Variants in ZNF619 observed in about 807,000 individuals in gnomAD.
ZNF619 encodes the protein zinc finger protein 619.
ZNF619 carries 9 observed loss-of-function variants against 14.2 expected under a neutral mutation model. The ratio of observed to expected loss-of-function variants is 0.64; its 90% CI spans 0.38 to 1.11. The LOEUF (loss-of-function observed/expected upper bound fraction) is 1.11, where lower values mean the gene tolerates loss of function less well. ZNF619 is among the 50% of genes least tolerant of loss of function. The pLI is 0.01. For missense variants in ZNF619, 659 were observed against 680.1 expected (o/e 0.97, Z 0.34); for synonymous variants, 246 against 252.8 (o/e 0.97, Z 0.26).
At chr3:40,485,300 T>G (rs1697542663) in intron 4 of ZNF619, among the ~76,000 whole-genome samples, 1 of 125,506 alleles carries the variant, frequency 8.0e-6, no homozygotes, top group Non-Finnish European at 1.6e-5. Flanking sequence ...TGTGAATGCA[T>G]CATTTTTTTT....
chr3:40,488,474 T>C lies in ZNF619; in HGVS notation c.*233T>C, dbSNP rs1697714214. 1 of 498,756 alleles carries C rather than the reference T, an allele frequency of 2.0e-6. No individual in the cohort carries two copies. The highest frequency in any genetic ancestry group is 3.5e-6 in the Non-Finnish European group (1 of 285,386). The allele number at this position is 498,756 out of a possible 1,614,324, so 30.9% of individuals were successfully genotyped here. On this transcript the variant is annotated 3_prime_UTR_variant, in exon 5 of 5. Transcript: ENST00000432264. ...GTCCACATTTGGGCTGTATTATCAG[T>C]CTGCATCTCTCTTCTGGGGCTACTG... is the stretch of plus-strand genomic sequence containing the variant.
At chr3:40,478,093 C>T in intron 2 of ZNF619, 90 bp downstream of exon 2, 1 of 1,232,382 alleles carries the variant, frequency 8.1e-7, no homozygotes, top group Non-Finnish European at 1.2e-6. Flanking sequence ...CAGTCTCATG[C>T]TTAGTTTTAC....
intron 2 of ZNF619, 70 bp downstream of exon 2, chr3:40,478,073 C>T: frequency 1.4e-6 from 2 of 1,440,620 alleles, no homozygotes; most frequent in Non-Finnish European, 1.9e-6. Flanking sequence ...CCCCAGTAGC[C>T]TGACTTGGCC....
At chr3:40,481,716 G>A (rs1697398537) in intron 2 of ZNF619, 147 bp from the exon 3 acceptor site, 1 of 983,700 alleles carries the variant, frequency 1.0e-6, no homozygotes, top group Non-Finnish European at 1.5e-6. Context: ...CACATGGAAA[G>A]TTGGAATGCT....
rs1163108186 is a variant in ZNF619 at position 40,488,611 on chromosome 3, A to G, written c.*370A>G. On this transcript the variant is annotated 3_prime_UTR_variant, in exon 5 of 5. Transcript: ENST00000432264. ...AGGAGAAATGCAAAGCCTATGGGAG[A>G]ACATAATCAGATAAAGTGTCCAATG... 5.4e-6 allele frequency: 1 copy of G among 185,426 alleles called. No homozygotes were observed. Among genetic ancestry groups the G allele is most frequent in the Non-Finnish European group, 1.1e-5 (1 of 90,044 alleles). The allele number at this position is 185,426 out of a possible 1,614,324, so 11.5% of individuals were successfully genotyped here.
At chr3:40,479,539 C>G (rs1697316837) in intron 2 of ZNF619, among the ~76,000 whole-genome samples, 2 of 152,186 alleles carry the variant, frequency 1.3e-5, no homozygotes, top group Admixed American at 1.3e-4. Flanking sequence ...TGTAAGAGTC[C>G]TTTCAGATAA....
intron 4 of ZNF619, among the ~76,000 whole-genome samples, chr3:40,485,971 A>G (rs898630575): frequency 1.3e-5 from 2 of 152,324 alleles, no homozygotes; most frequent in South Asian, 4.1e-4. Context: ...CAGCAGTGTT[A>G]CAAACTGCTT....
At chr3:40,486,383 C>G (rs536171644) in intron 4 of ZNF619, among the ~76,000 whole-genome samples, 30 of 152,284 alleles carry the variant, frequency 2.0e-4, no homozygotes, top group African/African-American at 6.3e-4. Flanking sequence ...ATGGCTGTGT[C>G]TCTCTCAAAA....
chr3:40,485,086 C>T (rs1697536687), intron 4 of ZNF619, among the ~76,000 whole-genome samples: 1 of 152,162 alleles, frequency 6.6e-6, no homozygotes, highest in South Asian at 2.1e-4. Context: ...CACCACCAAA[C>T]CCAGCCCCAT....
intron 4 of ZNF619, chr3:40,483,651 A>C (rs1697482983): frequency 4.5e-6 from 2 of 449,356 alleles, no homozygotes; most frequent in Non-Finnish European, 8.9e-6. Flanking sequence ...TTTTTGAGAC[A>C]GAGTTTCACT....
Position 40,487,073 on chromosome 3 carries a change from GCA to G in ZNF619, c.568_569del (p.His190SerfsTer15). On this transcript the variant is annotated frameshift_variant, in exon 5 of 5. Coordinates refer to ENST00000432264, the MANE Select transcript of ZNF619 (RefSeq NM_001145093.4). LOFTEE classifies it low-confidence loss of function (END_TRUNC). The stretch of plus-strand genomic sequence containing the variant: ...AGGAAATTGGAAGAAAGTAGTGTCA[GCA>G]CACATCTCATTACAAAGCAGGGTTT... The G allele has an allele frequency of 6.2e-7, 1 of 1,614,126 alleles. No individual in the cohort carries two copies. Among genetic ancestry groups the G allele is most frequent in the Non-Finnish European group, 8.5e-7 (1 of 1,180,052 alleles).
chr3:40,487,460 A>C lies in ZNF619; in HGVS notation c.950A>C (p.Lys317Thr), dbSNP rs1454847898. 7 of 1,614,162 alleles carry C rather than the reference A, an allele frequency of 4.3e-6. No homozygotes were observed. The highest frequency in any genetic ancestry group is 4.2e-6 in the Non-Finnish European group (5 of 1,180,016). Residue 317 changes from lysine to threonine, a missense_variant, in exon 5 of 5, where the codon AAA becomes ACA. By Grantham distance (78) the Lys-to-Thr change is moderately conservative (BLOSUM62 -1). Transcript: ENST00000432264. ...QRIHTGEKPF[K>T]CKECGKAFSC... is the part of the protein sequence containing the mutation. Reference sequence around the variant, plus strand: ...ATCCATACTGGGGAGAAGCCCTTTAAATGTAAGGAATGTGGGAAAGCCTTC... The same window carrying C: ...ATCCATACTGGGGAGAAGCCCTTTACATGTAAGGAATGTGGGAAAGCCTTC...
In ZNF619 at chr3:40,482,026, C is replaced by G; in HGVS notation, c.178+10C>G. ...AATGTGACTTCCTTGTGTAAGTCCT[C>G]CTTCCTCTCTGAAACTCAGCTTCTG... On this transcript the variant is annotated intron_variant, in intron 3 of 4. Transcript: ENST00000432264. 1 of 1,584,422 alleles carries G rather than the reference C, an allele frequency of 6.3e-7. No homozygotes were observed. Among genetic ancestry groups the G allele is most frequent in the Non-Finnish European group, 8.6e-7 (1 of 1,168,734 alleles).
intron 4 of ZNF619, among the ~76,000 whole-genome samples, chr3:40,483,990 AT>A (rs1431275707): frequency 2.6e-5 from 4 of 151,408 alleles, no homozygotes; most frequent in Non-Finnish European, 5.9e-5. Context: ...CAGTGGCACT[AT>A]TTCGGCTCAC....
chr3:40,487,863 T>C lies in ZNF619; in HGVS notation c.1353T>C (p.Thr451=), dbSNP rs1202066688. 3 of 1,614,088 alleles carry C rather than the reference T, an allele frequency of 1.9e-6. No individual in the cohort carries two copies. The highest frequency in any genetic ancestry group is 2.7e-5 in the African/African-American group (2 of 74,932). Residue 451 remains threonine (T), a synonymous_variant, in exon 5 of 5, where the codon ACT becomes ACC. Coordinates refer to ENST00000432264, the MANE Select transcript of ZNF619 (RefSeq NM_001145093.4). ...ITLVQHQRVH[T]GEKPYECKEC... is the part of the protein sequence containing the mutation. ...TGGTTCAGCATCAGCGAGTTCACAC[T>C]GGGGAGAAACCTTATGAGTGTAAGG... is the stretch of plus-strand genomic sequence containing the variant.
At position 40,490,626 on chromosome 3, in the gene ZNF619, A is replaced by G. The variant is rs948176219; in HGVS notation, c.*2385A>G. On this transcript the variant is annotated 3_prime_UTR_variant, in exon 5 of 5. Coordinates refer to ENST00000432264, the MANE Select transcript of ZNF619 (RefSeq NM_001145093.4). ...TCTCAGCCTGCTTAACAAAATGACA[A>G]GGATACAGACCTTTATGATGATCCA... Among the ~76,000 whole-genome samples the G allele has an allele frequency of 6.6e-6, 1 of 152,194 alleles. No homozygotes were observed. Among genetic ancestry groups the G allele is most frequent in the Admixed American group, 6.5e-5 (1 of 15,274 alleles).
intron 2 of ZNF619, among the ~76,000 whole-genome samples, chr3:40,481,482 G>T (rs958007864): frequency 6.6e-6 from 1 of 152,210 alleles, no homozygotes; most frequent in African/African-American, 2.4e-5. Flanking sequence ...AAGATGTAGA[G>T]GAGGAAGACC....
chr3:40,480,599 C>T lies in ZNF619; in HGVS notation c.25-1264C>T, dbSNP rs377563028. Among the ~76,000 whole-genome samples, 18 of 151,212 alleles carry T rather than the reference C, an allele frequency of 1.2e-4. No individual in the cohort carries two copies. In the South Asian group the frequency reaches 3.3e-3, roughly 28 times the overall value. ...CTCCAAGCTCTGCCTCCGGGGTTCA[C>T]GCCATTCTCCAGCCTCAGCCTCCCG... On this transcript the variant is annotated intron_variant, in intron 2 of 4. Coordinates refer to ENST00000432264, the MANE Select transcript of ZNF619 (RefSeq NM_001145093.4).
At position 40,488,067 on chromosome 3, in the gene ZNF619, C is replaced by T; in HGVS notation, c.1557C>T (p.Pro519=). 6.2e-7 allele frequency: 1 copy of T among 1,614,194 alleles called. No homozygotes were observed. Among genetic ancestry groups the T allele is most frequent in the East Asian group, 2.2e-5 (1 of 44,892 alleles). Residue 519 remains proline (P), a synonymous_variant, in exon 5 of 5, where the codon CCC becomes CCT. Transcript: ENST00000432264. ...TCSALAPPGP[P]LSSSHAVVLP... ...CTGCCCTAGCCCCACCAGGGCCTCC[C>T]TTATCTTCTTCACATGCAGTGGTAC...
Sources: gnomAD v4.1 joint callset for allele counts (sites outside exome capture counted in the v4.1 genomes callset) on GRCh38, gnomAD v4.1.1 for gene constraint, MANE v1.5 for transcripts, NCBI Gene and HGNC (gene_info 2026-07-23, HGNC 2026-07-21) for gene names.